The following DNAH5 variants were observed in gnomAD, a reference collection of about 807,000 sequenced individuals.
DNAH5 encodes dynein axonemal heavy chain 5.
A neutral mutation model predicts 518.2 loss-of-function variants in DNAH5; 372 were observed. That is an observed-to-expected ratio of 0.72 (90% confidence interval 0.66 to 0.78). The LOEUF is 0.78. DNAH5 is among the 30% of genes least tolerant of loss of function. DNAH5 has a pLI of 0.00. For synonymous variants in DNAH5, 2,039 were observed against 2,025.9 expected (o/e 1.01, Z -0.17); for missense variants, 5,523 against 5,687.0 (o/e 0.97, Z 0.93).
chr5:13,919,572 T>C (rs1432598242), intron 6 of DNAH5, among the ~76,000 whole-genome samples: 1 of 152,252 alleles, frequency 6.6e-6, no homozygotes. Flanking sequence ...AAACAACTTA[T>C]GCTTTCCTCT....
intron 1 of DNAH5, among the ~76,000 whole-genome samples, chr5:14,004,149 C>T (rs749120388): frequency 6.6e-6 from 1 of 152,190 alleles, no homozygotes; most frequent in African/African-American, 2.4e-5. Context: ...ATTGCTGCTT[C>T]GTGTCTGTTT....
Position 13,769,486 on chromosome 5 carries a change from T to C in DNAH5, c.9720+15A>G, listed in dbSNP as rs1279972102. 6.2e-7 allele frequency: 1 copy of C among 1,605,726 alleles called. No individual in the cohort carries two copies. The highest frequency in any genetic ancestry group is 1.7e-5 in the Admixed American group (1 of 60,002). ...ATTCAAAAGGAATGTGGCACATGTGTAAATGCCCACCCACCATGTCGGCTT... is the reference window on the plus strand; with the variant it reads ...ATTCAAAAGGAATGTGGCACATGTGCAAATGCCCACCCACCATGTCGGCTT... On this transcript the variant is annotated intron_variant, in intron 57 of 78. Coordinates refer to ENST00000265104, the MANE Select transcript of DNAH5 (RefSeq NM_001369.3).
chr5:13,795,280 C>G (rs1757651617), intron 47 of DNAH5, among the ~76,000 whole-genome samples: 1 of 151,436 alleles, frequency 6.6e-6, no homozygotes, highest in Non-Finnish European at 1.5e-5. Context: ...TTGAAAAGAT[C>G]AACAAAATTG....
At position 13,805,140 on chromosome 5, in the gene DNAH5, T is replaced by C. The variant is rs557744100; in HGVS notation, c.7887+2451A>G. ...CATCACCAGCCATGTGATGAGAAGGTTGAAGTTTTAAGTCACATGATATCA... is the reference window on the plus strand; with the variant it reads ...CATCACCAGCCATGTGATGAGAAGGCTGAAGTTTTAAGTCACATGATATCA... On this transcript the variant is annotated intron_variant, in intron 47 of 78. Transcript: ENST00000265104. Among the ~76,000 whole-genome samples the C allele has an allele frequency of 2.0e-5, 3 of 152,074 alleles. No individual in the cohort carries two copies. The South Asian group carries it at 6.2e-4, about 32-fold the overall frequency.
chr5:13,885,100 A>C lies in DNAH5; in HGVS notation c.2872T>G (p.Leu958Val). Residue 958 changes from leucine (L) to valine (V), a missense_variant, in exon 19 of 79, where the codon TTA becomes GTA. Transcript: ENST00000265104. ...TTCTGATGGTTGAAATGAGAGAGTA[A>C]CTCGCGGGCTTCTTCCCCTAACATC... ...TEMLGEEARE[L>V]LSHFNHQNMD... 6.2e-7 allele frequency: 1 copy of C among 1,614,098 alleles called. No homozygotes were observed.
chr5:13,980,164 T>A (rs2152065772), intron 1 of DNAH5, among the ~76,000 whole-genome samples: 1 of 152,150 alleles, frequency 6.6e-6, no homozygotes. Context: ...AATGCCTTCC[T>A]CACTCGACCA....
At chr5:13,981,834 T>G (rs1235158905) in intron 1 of DNAH5, among the ~76,000 whole-genome samples, 1 of 152,222 alleles carries the variant, frequency 6.6e-6, no homozygotes, top group Non-Finnish European at 1.5e-5. Flanking sequence ...ACAGTTTAGA[T>G]GTACCCAAGG....
At chr5:13,880,843 A>T (rs1771565519) in intron 21 of DNAH5, among the ~76,000 whole-genome samples, 2 of 152,032 alleles carry the variant, frequency 1.3e-5, no homozygotes, top group South Asian at 2.1e-4. Context: ...ATTACTTTAA[A>T]TGTAAATGTA....
rs60470226 is a variant in DNAH5, at chr5:13,862,860, A to ATATATATATATATATG, written c.4597-114_4597-113insCATATATATATATATA. The ATATATATATATATATG allele has an allele frequency of 4.9e-3, 1,420 of 292,722 alleles. 3 individuals carry two copies. The highest frequency in any genetic ancestry group is 6.5e-3 in the African/African-American group (286 of 44,140). The allele number at this position is 292,722 out of a possible 1,614,324, so 18.1% of individuals were successfully genotyped here. On this transcript the variant is annotated intron_variant, in intron 28 of 78. Coordinates refer to ENST00000265104, the MANE Select transcript of DNAH5 (RefSeq NM_001369.3). ...TTGCTTCATATATATATAAATATAT[A>ATATATATATATATATG]TATAAACTTTTATATTTCCAGACCT...
intron 51 of DNAH5, among the ~76,000 whole-genome samples, chr5:13,786,891 A>C: frequency 6.6e-6 from 1 of 152,204 alleles, no homozygotes; most frequent in Admixed American, 6.5e-5. Flanking sequence ...TCACTAGGGC[A>C]AGATGTATTA....
At chr5:14,002,448 G>T (rs2582692) in intron 1 of DNAH5, among the ~76,000 whole-genome samples, 1 of 151,880 alleles carries the variant, frequency 6.6e-6, no homozygotes, top group Admixed American at 6.6e-5. Context: ...TTTTGAGGCT[G>T]AGTTTACATA....
intron 47 of DNAH5, among the ~76,000 whole-genome samples, chr5:13,805,483 C>T (rs1288503012): frequency 1.3e-5 from 2 of 151,760 alleles, no homozygotes; most frequent in African/African-American, 2.4e-5. Flanking sequence ...GGTGACAGAG[C>T]GAGGCTCCGT....
chr5:13,727,693 C>T, intron 69 of DNAH5, 37 bp from the exon 70 acceptor site: 1 of 1,612,590 alleles, frequency 6.2e-7, no homozygotes, highest in African/African-American at 1.3e-5. Flanking sequence ...TGTCATGCCA[C>T]CCAACAATCT....
At chr5:13,856,756 A>G (rs567761701) in intron 30 of DNAH5, among the ~76,000 whole-genome samples, 5 of 152,242 alleles carry the variant, frequency 3.3e-5, no homozygotes, top group Non-Finnish European at 7.3e-5. Flanking sequence ...AACCAATGAA[A>G]AAACCACATG....
rs1477658484 is a variant in DNAH5, at chr5:13,894,786, T to C, written c.2295A>G (p.Lys765=). The part of the protein sequence containing the change: ...MLAEYQRVKS[K]IPAAIEQLIV... ...TCAATTGCTCAATGGCAGCAGGTATTTTTGACTTCACTCTCTGATATTCAG... is the reference window on the plus strand; with the variant it reads ...TCAATTGCTCAATGGCAGCAGGTATCTTTGACTTCACTCTCTGATATTCAG... Residue 765 remains lysine (K), a synonymous_variant, in exon 16 of 79, where the codon AAA becomes AAG. Transcript: ENST00000265104. The C allele has an allele frequency of 6.2e-7, 1 of 1,613,900 alleles. No individual in the cohort carries two copies. Among genetic ancestry groups the C allele is most frequent in the Non-Finnish European group, 8.5e-7 (1 of 1,179,934 alleles).
chr5:13,703,890 T>C (rs1424788818), intron 76 of DNAH5, among the ~76,000 whole-genome samples: 1 of 152,174 alleles, frequency 6.6e-6, no homozygotes, highest in African/African-American at 2.4e-5. Context: ...CTAGTTCTGA[T>C]CTACAGACTG....
intron 50 of DNAH5, 52 bp from the exon 51 acceptor site, chr5:13,788,966 G>T (rs759182657): frequency 4.6e-6 from 7 of 1,523,116 alleles, no homozygotes; most frequent in Admixed American, 1.7e-5. Context: ...TGCCGTAATT[G>T]GGAATTCAGG....
At chr5:13,736,416 C>A (rs143568184) in intron 66 of DNAH5, among the ~76,000 whole-genome samples, 1 of 151,782 alleles carries the variant, frequency 6.6e-6, no homozygotes, top group East Asian at 1.9e-4. Flanking sequence ...TTTGTTGATA[C>A]GGAGTTTTGC....
At chr5:13,879,706 G>C (rs1329847885) in intron 21 of DNAH5, among the ~76,000 whole-genome samples, 1 of 151,064 alleles carries the variant, frequency 6.6e-6, no homozygotes, top group Non-Finnish European at 1.5e-5. Flanking sequence ...TCAAGCAGAA[G>C]TAGAAAAAAA....
Sources: gnomAD v4.1 joint callset for allele counts (sites outside exome capture counted in the v4.1 genomes callset) on GRCh38, gnomAD v4.1.1 for gene constraint, MANE v1.5 for transcripts, NCBI Gene and HGNC (gene_info 2026-07-23, HGNC 2026-07-21) for gene names.